Variants in KLRF1 observed in about 807,000 individuals in gnomAD.
KLRF1 encodes the protein killer cell lectin like receptor F1.
In KLRF1, 27 loss-of-function variants were observed where a neutral mutation model predicts 30.7. The observed-to-expected ratio is 0.88, with a 90% CI of 0.65 to 1.21. The LOEUF (loss-of-function observed/expected upper bound fraction) is 1.21, where lower values mean the gene tolerates loss of function less well. Ranked by LOEUF, KLRF1 falls within the 50% of genes most tolerant of loss-of-function variation. The pLI, the probability that KLRF1 is intolerant of heterozygous loss-of-function variation, is 0.00. For synonymous variants in KLRF1, 92 were observed against 89.3 expected (o/e 1.03, Z -0.17); for missense variants, 246 against 259.3 (o/e 0.95, Z 0.35).
At chr12:9,831,071 A>G (rs1350324220) in intron 1 of KLRF1, among the ~76,000 whole-genome samples, 1 of 152,028 alleles carries the variant, frequency 6.6e-6, no homozygotes, top group African/African-American at 2.4e-5. Flanking sequence ...CTTAGGAGAA[A>G]TAATTCAGTC....
chr12:9,822,679 C>G (rs752110911), upstream of KLRF1, among the ~76,000 whole-genome samples: 4 of 152,188 alleles, frequency 2.6e-5, no homozygotes, highest in South Asian at 4.1e-4. Context: ...GAGTGGCAAG[C>G]TGGATAAAAA....
chr12:9,815,975 C>G, the KLRF1 span, among the ~76,000 whole-genome samples: 2 of 152,302 alleles, frequency 1.3e-5, no homozygotes, highest in South Asian at 2.1e-4. Flanking sequence ...CACGCCACCA[C>G]GCCTAGCTGA....
upstream of KLRF1, among the ~76,000 whole-genome samples, chr12:9,824,089 G>A (rs1867255224): frequency 1.3e-5 from 2 of 152,078 alleles, no homozygotes; most frequent in South Asian, 2.1e-4. Flanking sequence ...CCAAAAATTT[G>A]AGTTGAAAGG....
At chr12:9,804,195 A>G in the KLRF1 span, among the ~76,000 whole-genome samples, 1 of 151,736 alleles carries the variant, frequency 6.6e-6, no homozygotes, top group African/African-American at 2.4e-5. Flanking sequence ...GTTCTTGATA[A>G]TCATTCATGG....
chr12:9,821,196 C>T, the KLRF1 span, among the ~76,000 whole-genome samples: 3 of 152,042 alleles, frequency 2.0e-5, no homozygotes, highest in Non-Finnish European at 4.4e-5. Context: ...ATCCTCTGCT[C>T]CCCAAAAAGT....
the KLRF1 span, among the ~76,000 whole-genome samples, chr12:9,819,538 GT>G: frequency 2.0e-5 from 3 of 152,084 alleles, no homozygotes; most frequent in Non-Finnish European, 4.4e-5. Context: ...CTGCCAGACT[GT>G]TTTTTTCACG....
At chr12:9,825,838 C>T (rs779124978), upstream of KLRF1, among the ~76,000 whole-genome samples, 13 of 152,104 alleles carry the variant, frequency 8.5e-5, no homozygotes, top group Non-Finnish European at 1.5e-4. Flanking sequence ...AAATAAACAA[C>T]CCCATTAAAA....
intron 3 of KLRF1, among the ~76,000 whole-genome samples, chr12:9,840,266 T>TGA (rs1867671703): frequency 6.6e-6 from 1 of 152,074 alleles, no homozygotes; most frequent in African/African-American, 2.4e-5. Context: ...GAGATAGTAG[T>TGA]GATAGTTGTA....
chr12:9,828,324 A>G (rs1401142571), intron 1 of KLRF1, among the ~76,000 whole-genome samples: 2 of 151,962 alleles, frequency 1.3e-5, no homozygotes, highest in South Asian at 2.1e-4. Context: ...CAGGTGATCC[A>G]CCCACCTGAG....
At chr12:9,803,611 TTCTG>T in the KLRF1 span, among the ~76,000 whole-genome samples, 5 of 152,046 alleles carry the variant, frequency 3.3e-5, no homozygotes, top group Non-Finnish European at 5.9e-5. Context: ...AGAGTACAAA[TTCTG>T]TCTGTTTTTA....
At chr12:9,817,593 C>A in the KLRF1 span, 1 of 305,834 alleles carries the variant, frequency 3.3e-6, no homozygotes, top group Non-Finnish European at 6.7e-6. Flanking sequence ...TTTGGCCACA[C>A]CGGGTTTCTT....
the KLRF1 span, among the ~76,000 whole-genome samples, chr12:9,802,284 A>G: frequency 6.6e-6 from 1 of 152,084 alleles, no homozygotes; most frequent in African/African-American, 2.4e-5. Context: ...ATAAAATTCA[A>G]CATCCCTTCA....
Position 9,827,495 on chromosome 12 carries a change from TTAA to T in KLRF1, c.-46_-44del. 2 of 1,025,450 alleles carry T rather than the reference TTAA, an allele frequency of 2.0e-6. No individual in the cohort carries two copies. The highest frequency in any genetic ancestry group is 1.5e-5 in the South Asian group (1 of 66,742). 63.5% of individuals were successfully genotyped at this position (1,025,450 alleles called of 1,614,324 possible). On this transcript the variant is annotated 5_prime_UTR_variant, in exon 1 of 6. Coordinates refer to ENST00000617889, the MANE Select transcript of KLRF1 (RefSeq NM_016523.3). ...ATTCTTTCCTCATTTCATGTTATACTTAATAAAACAAAACATACCTGTATACAC... is the reference window on the plus strand; with the variant it reads ...ATTCTTTCCTCATTTCATGTTATACTTAAAACAAAACATACCTGTATACAC...
intron 3 of KLRF1, among the ~76,000 whole-genome samples, chr12:9,836,007 G>T (rs1433560345): frequency 6.6e-6 from 1 of 152,030 alleles, no homozygotes; most frequent in Non-Finnish European, 1.5e-5. Flanking sequence ...GACAGATGTT[G>T]CCCAGTCTAC....
intron 1 of KLRF1, among the ~76,000 whole-genome samples, chr12:9,830,479 T>C (rs1157641212): frequency 1.3e-5 from 2 of 152,094 alleles, no homozygotes; most frequent in Admixed American, 6.6e-5. Flanking sequence ...TTTCTTTTTC[T>C]GGACTTAAGC....
At chr12:9,820,284 C>A in the KLRF1 span, among the ~76,000 whole-genome samples, 1 of 152,230 alleles carries the variant, frequency 6.6e-6, no homozygotes, top group Admixed American at 6.5e-5. Context: ...TAACTAGGGA[C>A]TGGAGTGGAC....
intron 3 of KLRF1, among the ~76,000 whole-genome samples, chr12:9,835,254 G>A (rs1203501850): frequency 6.6e-6 from 1 of 152,102 alleles, no homozygotes; most frequent in Non-Finnish European, 1.5e-5. Flanking sequence ...AGAGGAAGAA[G>A]AGACCTTGTG....
chr12:9,801,091 T>C, the KLRF1 span, among the ~76,000 whole-genome samples: 21 of 152,132 alleles, frequency 1.4e-4, no homozygotes, highest in Non-Finnish European at 2.5e-4. Context: ...AGTGAGAGCA[T>C]GCGGTGTTTG....
In KLRF1 at chr12:9,844,907, ATACATTTTT is replaced by A. The variant is rs1867779645; in HGVS notation, c.*385_*393del. 1 of 153,264 alleles carries A rather than the reference ATACATTTTT, an allele frequency of 6.5e-6. No individual in the cohort carries two copies. The highest frequency in any genetic ancestry group is 1.5e-5 in the Non-Finnish European group (1 of 68,720). 9.5% of individuals were successfully genotyped at this position (153,264 alleles called of 1,614,324 possible). A position where few individuals can be genotyped will look rare whatever the true frequency, so the allele number is the denominator to read the frequency against. On this transcript the variant is annotated 3_prime_UTR_variant, in exon 6 of 6. Coordinates refer to ENST00000617889, the MANE Select transcript of KLRF1 (RefSeq NM_016523.3). ...AATGGTTGAATTATAATGTGGGTTT[ATACATTTTT>A]TACCCTTTTGTCAAAGAGAATTAAC...
Sources: allele counts gnomAD v4.1 joint callset (sites outside exome capture counted in the v4.1 genomes callset), GRCh38; gene constraint gnomAD v4.1.1; transcripts MANE v1.5; gene names NCBI Gene and HGNC (gene_info 2026-07-23, HGNC 2026-07-21).